The following CFAP299 variants were observed in gnomAD, a reference collection of about 807,000 sequenced individuals.
CFAP299 encodes cilia and flagella associated protein 299.
CFAP299 carries 21 observed loss-of-function variants against 27.0 expected under a neutral mutation model. The ratio of observed to expected loss-of-function variants is 0.78; its 90% CI spans 0.55 to 1.12. The LOEUF (loss-of-function observed/expected upper bound fraction) is 1.12. Ranked by LOEUF, CFAP299 falls within the 50% of genes most tolerant of loss-of-function variation. The pLI, the probability that CFAP299 is intolerant of heterozygous loss-of-function variation, is 0.00. For missense variants in CFAP299, 310 were observed against 276.6 expected, an observed-to-expected ratio of 1.12 and a Z score of -0.86; for synonymous variants, 104 against 98.1, an observed-to-expected ratio of 1.06 and a Z score of -0.36.
chr4:80,829,116 G>A (rs1259093906), intron 3 of CFAP299, among the ~76,000 whole-genome samples: 2 of 151,786 alleles, frequency 1.3e-5, no homozygotes, highest in African/African-American at 4.8e-5. Flanking sequence ...TACATTAAAG[G>A]ACACTATCAA....
At chr4:80,757,856 G>A (rs751312181) in intron 3 of CFAP299, among the ~76,000 whole-genome samples, 26 of 152,160 alleles carry the variant, frequency 1.7e-4, no homozygotes, top group South Asian at 4.1e-4. Flanking sequence ...TGGGTGCTTC[G>A]GAGCCAGTAG....
chr4:80,593,374 A>G (rs900780876), intron 3 of CFAP299, among the ~76,000 whole-genome samples: 2 of 152,188 alleles, frequency 1.3e-5, no homozygotes, highest in Non-Finnish European at 2.9e-5. Flanking sequence ...TTCTTTTTCT[A>G]GGGATTGCTA....
chr4:80,697,066 G>A (rs73829103), intron 3 of CFAP299, among the ~76,000 whole-genome samples: 3 of 152,096 alleles, frequency 2.0e-5, no homozygotes, highest in Non-Finnish European at 4.4e-5. Flanking sequence ...TATTTCTGCT[G>A]GGAGCAGTGG....
At chr4:80,669,234 C>G (rs966660045) in intron 3 of CFAP299, among the ~76,000 whole-genome samples, 3 of 127,060 alleles carry the variant, frequency 2.4e-5, no homozygotes, top group Non-Finnish European at 3.2e-5. Context: ...GATCTCAATT[C>G]AATGCAACCC....
At chr4:80,616,302 A>G (rs909877942) in intron 3 of CFAP299, among the ~76,000 whole-genome samples, 1 of 152,116 alleles carries the variant, frequency 6.6e-6, no homozygotes, top group Non-Finnish European at 1.5e-5. Context: ...TTGGCTGTGT[A>G]TGCTAATACT....
chr4:80,668,514 G>A (rs1444222491), intron 3 of CFAP299, among the ~76,000 whole-genome samples: 1 of 152,034 alleles, frequency 6.6e-6, no homozygotes, highest in Non-Finnish European at 1.5e-5. Context: ...TTATTCTTCT[G>A]TGTTGATTAT....
Position 80,390,834 on chromosome 4 carries a change from T to G in CFAP299, c.242+27950T>G, listed in dbSNP as rs192524244. On this transcript the variant is annotated intron_variant, in intron 2 of 5. Coordinates refer to ENST00000358105, the MANE Select transcript of CFAP299 (RefSeq NM_152770.3). ...ATACACACATATATGTATATGTATA[T>G]ATGTATATACACATATATGTATATG... Among the ~76,000 whole-genome samples the G allele has an allele frequency of 1.2e-3, 172 of 146,062 alleles. 1 individual carries two copies. The highest frequency in any genetic ancestry group is 4.0e-3 in the African/African-American group (158 of 39,664).
intron 3 of CFAP299, among the ~76,000 whole-genome samples, chr4:80,757,461 A>T (rs1375459727): frequency 6.6e-6 from 1 of 152,140 alleles, no homozygotes; most frequent in Non-Finnish European, 1.5e-5. Context: ...ATTTTTACTT[A>T]TATTTATTTA....
At chr4:80,945,506 T>C (rs1306714233) in intron 5 of CFAP299, among the ~76,000 whole-genome samples, 2 of 152,210 alleles carry the variant, frequency 1.3e-5, no homozygotes, top group South Asian at 2.1e-4. Context: ...AAAGACTGCA[T>C]TTGAATCATG....
intron 2 of CFAP299, among the ~76,000 whole-genome samples, chr4:80,368,482 TA>T: frequency 6.6e-6 from 1 of 152,208 alleles, no homozygotes; most frequent in Non-Finnish European, 1.5e-5. Context: ...AATTTGTTTT[TA>T]ACTATAGAAG....
In CFAP299 at chr4:80,873,165, G is replaced by A. The variant is rs115522809; in HGVS notation, c.476+3030G>A. 594 of 250,590 alleles carry A rather than the reference G, an allele frequency of 2.4e-3. 5 individuals are homozygous for A. Among genetic ancestry groups the A allele is most frequent in the African/African-American group, 0.013 (574 of 43,210 alleles). 15.5% of individuals were successfully genotyped at this position (250,590 alleles called of 1,614,324 possible). ...TAGGCAGTTGTTATTAGGGGAAAAA[G>A]TCCCTTAGGTGTATGAAGTTCCATA... is the stretch of plus-strand genomic sequence containing the variant. On this transcript the variant is annotated intron_variant, in intron 4 of 5. Coordinates refer to ENST00000358105, the MANE Select transcript of CFAP299 (RefSeq NM_152770.3).
In CFAP299 at chr4:80,825,720, G is replaced by A. The variant is rs556704798; in HGVS notation, c.334-44273G>A. On this transcript the variant is annotated intron_variant, in intron 3 of 5. Transcript: ENST00000358105. ...AAGCAGAGGGAGCTTATTACTACTA[G>A]ACCTGTTGTGCAAGAAATTATTAAG... Among the ~76,000 whole-genome samples, 12 of 152,018 alleles carry A rather than the reference G, an allele frequency of 7.9e-5. 1 individual carries two copies. The South Asian group carries it at 2.5e-3, about 31-fold the overall frequency.
intron 3 of CFAP299, among the ~76,000 whole-genome samples, chr4:80,639,378 G>A (rs181725368): frequency 2.4e-4 from 37 of 152,302 alleles, no homozygotes; most frequent in Admixed American, 5.2e-4. Context: ...ACATGGAGAT[G>A]TTTTTTGGTG....
rs977734578 is a variant in CFAP299 at position 80,879,282 on chromosome 4, A to T, written c.476+9147A>T. Among the ~76,000 whole-genome samples the T allele has an allele frequency of 5.9e-5, 9 of 152,244 alleles. No individual in the cohort carries two copies. The East Asian group carries it at 1.5e-3, about 26-fold the overall frequency. ...CTTCAGTAGCCCTATAAGTCTAGTG[A>T]TAATTGGAAATCTAAAATCTAGAGA... On this transcript the variant is annotated intron_variant, in intron 4 of 5. Transcript: ENST00000358105.
In CFAP299 at chr4:80,764,009, G is replaced by C. The variant is rs187710018; in HGVS notation, c.334-105984G>C. ...ACCTAAAACCATAAAAACCCTAGAA[G>C]AAAACCTAGAATGCCATTCAGGACA... On this transcript the variant is annotated intron_variant, in intron 3 of 5. Coordinates refer to ENST00000358105, the MANE Select transcript of CFAP299 (RefSeq NM_152770.3). 5.3e-5 allele frequency among the ~76,000 whole-genome samples: 8 copies of C among 152,218 alleles called. No individual in the cohort carries two copies. In the East Asian group the frequency reaches 1.5e-3, roughly 29 times the overall value.
intron 3 of CFAP299, among the ~76,000 whole-genome samples, chr4:80,808,374 T>C (rs527535812): frequency 6.6e-6 from 1 of 152,236 alleles, no homozygotes; most frequent in Non-Finnish European, 1.5e-5. Flanking sequence ...GAAATATTAG[T>C]TTAGCCTGAA....
intron 2 of CFAP299, among the ~76,000 whole-genome samples, chr4:80,395,526 A>C (rs989638399): frequency 1.3e-5 from 2 of 152,098 alleles, no homozygotes; most frequent in South Asian, 2.1e-4. Context: ...ATGTAGCTGT[A>C]TTTGAGGTAC....
chr4:80,332,436 T>C (rs940487298), upstream of CFAP299, among the ~76,000 whole-genome samples: 1 of 151,884 alleles, frequency 6.6e-6, no homozygotes, highest in Non-Finnish European at 1.5e-5. Flanking sequence ...GAGGGAATAA[T>C]TAAAATGAGA....
intron 4 of CFAP299, among the ~76,000 whole-genome samples, chr4:80,911,710 A>T (rs1185634238): frequency 6.6e-6 from 1 of 152,158 alleles, no homozygotes; most frequent in Non-Finnish European, 1.5e-5. Flanking sequence ...CATACCACAC[A>T]TCAGAGAAAG....
Sources: gnomAD v4.1 joint callset for allele counts (sites outside exome capture counted in the v4.1 genomes callset) on GRCh38, gnomAD v4.1.1 for gene constraint, MANE v1.5 for transcripts, NCBI Gene and HGNC (gene_info 2026-07-23, HGNC 2026-07-21) for gene names.